The following AURKAIP1 variants were observed in gnomAD, a reference collection of about 807,000 sequenced individuals.
The protein encoded by AURKAIP1 is small ribosomal subunit protein bS22, mitochondrial.
A neutral mutation model predicts 18.4 loss-of-function variants in AURKAIP1; 20 were observed. That is an observed-to-expected ratio of 1.09 (90% CI 0.77 to 1.58). The LOEUF (loss-of-function observed/expected upper bound fraction) is 1.58, where lower values mean the gene tolerates loss of function less well. Among genes scored for constraint, AURKAIP1 ranks in the 40% most tolerant of loss-of-function variants. The pLI is 0.00. For synonymous variants in AURKAIP1, 156 were observed against 120.8 expected (o/e 1.29, Z -1.91); for missense variants, 319 against 270.7 (o/e 1.18, Z -1.25).
At chr1:1,374,577 G>T in intron 2 of AURKAIP1, 128 bp downstream of exon 2, 1 of 1,381,938 alleles carries the variant, frequency 7.2e-7, no homozygotes, top group Non-Finnish European at 9.9e-7. Flanking sequence ...GGTTCCCTCT[G>T]TGAGCATCGG....
In AURKAIP1 at chr1:1,374,174, T is replaced by C. The variant is rs561550869; in HGVS notation, c.324A>G (p.Ile108Met). Residue 108 changes from isoleucine to methionine, a missense_variant, in exon 3 of 4, where the codon ATA becomes ATG. Ile to Met is a conservative substitution (Grantham distance 10). Transcript: ENST00000338338. Reference sequence around the variant, plus strand: ...CATCCCCCTGCTCGGCCCCTTCCCCTATCTGGCTGGGCGGACACTGGTAGG... The same window carrying C: ...CATCCCCCTGCTCGGCCCCTTCCCCCATCTGGCTGGGCGGACACTGGTAGG... ...PQSYQCPPSQ[I>M]GEGAEQGDEG... is the part of the protein sequence containing the mutation. 21 of 1,613,892 alleles carry C rather than the reference T, an allele frequency of 1.3e-5. No individual in the cohort carries two copies. In the South Asian group the frequency reaches 1.9e-4, roughly 14 times the overall value.
chr1:1,374,870 C>T lies in AURKAIP1; in HGVS notation c.-34-80G>A, dbSNP rs141604295. The T allele has an allele frequency of 2.2e-3, 2,008 of 932,118 alleles. 100 individuals are homozygous for T. In the East Asian group the frequency reaches 0.059, roughly 27 times the overall value. The allele number at this position is 932,118 out of a possible 1,614,324, so 57.7% of individuals were successfully genotyped here. On this transcript the variant is annotated intron_variant, in intron 1 of 3. Transcript: ENST00000338338. ...CGGGCCGGGACTGGGGCGTCTGGTC[C>T]CGCCGCGACCCTCGCTTCCCTTCTC... is the stretch of plus-strand genomic sequence containing the variant.
chr1:1,374,671 GCATCCTCC>G, intron 2 of AURKAIP1, 26 bp downstream of exon 2: 1 of 1,550,346 alleles, frequency 6.5e-7, no homozygotes, highest in Non-Finnish European at 8.7e-7. Context: ...AACCAGGTGT[GCATCCTCC>G]CATCCGCCCC....
intron 2 of AURKAIP1, 44 bp from the exon 3 acceptor site, chr1:1,374,489 C>A (rs1162887515): frequency 7.0e-7 from 1 of 1,432,004 alleles, no homozygotes; most frequent in Non-Finnish European, 9.2e-7. Flanking sequence ...CGAGACCACA[C>A]AGGCCCGTCG....
Position 1,374,071 on chromosome 1 carries a change from A to C in AURKAIP1, c.427T>G (p.Tyr143Asp). ...CGCGTCTTCTTCACCAGCTTCCGGT[A>C]CTTGTGGTGGTTCATCTTCCGCCGG... ...IRRRKMNHHK[Y>D]RKLVKKTRFL... The change falls in exon 3 of 4, where the codon TAC becomes GAC. Residue 143 changes from tyrosine (Y) to aspartate (D), a missense_variant. Physicochemically the swap from Tyr to Asp is radical, Grantham distance 160. Transcript: ENST00000338338. The C allele has an allele frequency of 6.2e-7, 1 of 1,610,022 alleles. No homozygotes were observed. Among genetic ancestry groups the C allele is most frequent in the Non-Finnish European group, 8.5e-7 (1 of 1,177,648 alleles).
At chr1:1,373,963 A>G (rs770758721) in intron 3 of AURKAIP1, 37 bp downstream of exon 3, 1 of 1,608,710 alleles carries the variant, frequency 6.2e-7, no homozygotes, top group Non-Finnish European at 8.5e-7. Context: ...TGTTCTCAGC[A>G]CTTTGCCCTC....
chr1:1,373,795 C>T lies in AURKAIP1; in HGVS notation c.*6G>A. ...GCAGCAACGGGCGGGAAGGGCGGCG[C>T]CAGACTCATTTGCCCCGCAGGTAGA... On this transcript the variant is annotated 3_prime_UTR_variant, in exon 4 of 4. Transcript: ENST00000338338. 6.3e-7 allele frequency: 1 copy of T among 1,596,994 alleles called. No individual in the cohort carries two copies.
chr1:1,374,759 T>C lies in AURKAIP1; in HGVS notation c.-3A>G. 1 of 1,556,724 alleles carries C rather than the reference T, an allele frequency of 6.4e-7. No individual in the cohort carries two copies. The highest frequency in any genetic ancestry group is 8.7e-7 in the Non-Finnish European group (1 of 1,150,746). ...GAAGTCAGGCGCCCCAGGAGCATGG[T>C]CTGTGGGCGGCGGCCACAGGTCCCA... On this transcript the variant is annotated 5_prime_UTR_variant, in exon 2 of 4. Coordinates refer to ENST00000338338, the MANE Select transcript of AURKAIP1 (RefSeq NM_017900.3).
chr1:1,374,118 C>T lies in AURKAIP1; in HGVS notation c.380G>A (p.Cys127Tyr), dbSNP rs562415303. Reference protein sequence around the residue: ...EGVADAPQIQCKNVLKIRRRK... With the variant: ...EGVADAPQIQYKNVLKIRRRK... Reference sequence around the variant, plus strand: ...CCGGCGGATCTTCAGCACGTTTTTGCACTGAATTTGAGGCGCATCCGCGAC... The same window carrying T: ...CCGGCGGATCTTCAGCACGTTTTTGTACTGAATTTGAGGCGCATCCGCGAC... Residue 127 changes from cysteine to tyrosine, a missense_variant, in exon 3 of 4, where the codon TGC becomes TAC. Coordinates refer to ENST00000338338, the MANE Select transcript of AURKAIP1 (RefSeq NM_017900.3). The T allele has an allele frequency of 3.1e-6, 5 of 1,613,496 alleles. No individual in the cohort carries two copies. In the African/African-American group the frequency reaches 5.3e-5, roughly 17 times the overall value.
rs773522689 is a variant in AURKAIP1, at chr1:1,374,731, T to C, written c.26A>G (p.Gln9Arg). MLLGRLTS[Q>R]LLRAVPWAGG... Reference sequence around the variant, plus strand: ...TGCCCAAGGAACGGCCCTCAACAGCTGGGAAGTCAGGCGCCCCAGGAGCAT... The same window carrying C: ...TGCCCAAGGAACGGCCCTCAACAGCCGGGAAGTCAGGCGCCCCAGGAGCAT... The change falls in exon 2 of 4, where the codon CAG (glutamine) becomes CGG (arginine). Residue 9 changes from glutamine (Q) to arginine (R), a missense_variant. Coordinates refer to ENST00000338338, the MANE Select transcript of AURKAIP1 (RefSeq NM_017900.3). 35 of 1,561,098 alleles carry C rather than the reference T, an allele frequency of 2.2e-5. No individual in the cohort carries two copies. The South Asian group carries it at 4.0e-4, about 18-fold the overall frequency.
In AURKAIP1 at chr1:1,374,092, G is replaced by A. The variant is rs149654038; in HGVS notation, c.406C>T (p.Arg136Trp). 5.6e-6 allele frequency: 9 copies of A among 1,611,432 alleles called. No individual in the cohort carries two copies. In the East Asian group the frequency reaches 6.7e-5, roughly 12 times the overall value. The change falls in exon 3 of 4, where the codon CGG becomes TGG. Residue 136 changes from arginine to tryptophan, a missense_variant. Coordinates refer to ENST00000338338, the MANE Select transcript of AURKAIP1 (RefSeq NM_017900.3). Reference sequence around the variant, plus strand: ...CGGTACTTGTGGTGGTTCATCTTCCGCCGGCGGATCTTCAGCACGTTTTTG... The same window carrying A: ...CGGTACTTGTGGTGGTTCATCTTCCACCGGCGGATCTTCAGCACGTTTTTG... ...QCKNVLKIRR[R>W]KMNHHKYRKL... is the part of the protein sequence containing the mutation.
rs1196914068 is a variant in AURKAIP1 at position 1,374,140 on chromosome 1, C to T, written c.358G>A (p.Ala120Thr). The change falls in exon 3 of 4, where the codon GCG becomes ACG. Residue 120 changes from alanine (A) to threonine (T), a missense_variant. Transcript: ENST00000338338. Reference sequence around the variant, plus strand: ...TTGCACTGAATTTGAGGCGCATCCGCGACGCCTTCATCCCCCTGCTCGGCC... The same window carrying T: ...TTGCACTGAATTTGAGGCGCATCCGTGACGCCTTCATCCCCCTGCTCGGCC... ...EGAEQGDEGV[A>T]DAPQIQCKNV... 2 of 1,613,800 alleles carry T rather than the reference C, an allele frequency of 1.2e-6. No individual in the cohort carries two copies. The highest frequency in any genetic ancestry group is 1.3e-5 in the African/African-American group (1 of 74,950).
At chr1:1,374,912 C>A in intron 1 of AURKAIP1, 122 bp from the exon 2 acceptor site, 2 of 648,794 alleles carry the variant, frequency 3.1e-6, no homozygotes, top group Non-Finnish European at 5.1e-6. Flanking sequence ...CCACCCCAAC[C>A]CACAAGGAGG....
At position 1,374,120 on chromosome 1, in the gene AURKAIP1, C is replaced by A; in HGVS notation, c.378G>T (p.Gln126His). The change falls in exon 3 of 4, where the codon CAG becomes CAT. Residue 126 changes from glutamine to histidine, a missense_variant. Coordinates refer to ENST00000338338, the MANE Select transcript of AURKAIP1 (RefSeq NM_017900.3). ...DEGVADAPQI[Q>H]CKNVLKIRRR... ...GGCGGATCTTCAGCACGTTTTTGCACTGAATTTGAGGCGCATCCGCGACGC... is the reference window on the plus strand; with the variant it reads ...GGCGGATCTTCAGCACGTTTTTGCAATGAATTTGAGGCGCATCCGCGACGC... 6.2e-7 allele frequency: 1 copy of A among 1,613,564 alleles called. No homozygotes were observed. The highest frequency in any genetic ancestry group is 8.5e-7 in the Non-Finnish European group (1 of 1,179,878).
In AURKAIP1 at chr1:1,373,858, C is replaced by G; in HGVS notation, c.543G>C (p.Gly181=). The change falls in exon 4 of 4, where the codon GGG becomes GGC. Residue 181 remains glycine (G), a synonymous_variant. Coordinates refer to ENST00000338338, the MANE Select transcript of AURKAIP1 (RefSeq NM_017900.3). ...KDLRRIWLKA[G]LKEAPEGWQT... is the part of the protein sequence containing the mutation. The stretch of plus-strand genomic sequence containing the variant: ...GCCAGCCTTCGGGGGCTTCCTTTAG[C>G]CCCGCCTTCAGCCAGATGCGCCTCA... 1 of 1,606,792 alleles carries G rather than the reference C, an allele frequency of 6.2e-7. No homozygotes were observed. The highest frequency in any genetic ancestry group is 8.5e-7 in the Non-Finnish European group (1 of 1,179,986).
Position 1,374,217 on chromosome 1 carries a change from G to T in AURKAIP1, c.281C>A (p.Thr94Asn). The change falls in exon 3 of 4, where the codon ACT (threonine) becomes AAT (asparagine). Residue 94 changes from threonine (T) to asparagine (N), a missense_variant. Physicochemically the swap from Thr to Asn is moderately conservative, Grantham distance 65. Coordinates refer to ENST00000338338, the MANE Select transcript of AURKAIP1 (RefSeq NM_017900.3). ...CTGGTAGGATTGCGGTGGAGCCACA[G>T]TCCCTGCGGTCCCGGTATCCAGTCT... is the stretch of plus-strand genomic sequence containing the variant. The part of the protein sequence containing the change: ...LPRLDTGTAG[T>N]VAPPQSYQCP... 2 of 1,613,040 alleles carry T rather than the reference G, an allele frequency of 1.2e-6. No homozygotes were observed. Among genetic ancestry groups the T allele is most frequent in the Non-Finnish European group, 1.7e-6 (2 of 1,180,024 alleles).
rs927816694 is a variant in AURKAIP1, at chr1:1,374,280, G to A, written c.218C>T (p.Pro73Leu). The A allele has an allele frequency of 6.3e-7, 1 of 1,596,272 alleles. No individual in the cohort carries two copies. Among genetic ancestry groups the A allele is most frequent in the Non-Finnish European group, 8.5e-7 (1 of 1,171,982 alleles). Residue 73 changes from proline (P) to leucine (L), a missense_variant, in exon 3 of 4, where the codon CCC becomes CTC. Physicochemically the swap from Pro to Leu is moderately conservative, Grantham distance 98. Transcript: ENST00000338338. Reference protein sequence around the residue: ...MLVPRKMSVSPLESWLTARCF... With the variant: ...MLVPRKMSVSLLESWLTARCF... The stretch of plus-strand genomic sequence containing the variant: ...GCGGGCCGTGAGCCAGCTCTCCAGG[G>A]GGCTGACGGACATCTTCCTGGGGAC...
Position 1,373,989 on chromosome 1 carries a change from G to C in AURKAIP1, c.498+11C>G, listed in dbSNP as rs1244484304. ...CTTTGCCCTCCCAGGGCCAAGCAGG[G>C]GGCCACTCACCTGCTTGCGTCTCAG... On this transcript the variant is annotated intron_variant, in intron 3 of 3. Coordinates refer to ENST00000338338, the MANE Select transcript of AURKAIP1 (RefSeq NM_017900.3). 8 of 1,608,498 alleles carry C rather than the reference G, an allele frequency of 5.0e-6. No individual in the cohort carries two copies. The highest frequency in any genetic ancestry group is 6.8e-6 in the Non-Finnish European group (8 of 1,179,708).
In AURKAIP1 at chr1:1,373,991, G is replaced by T. The variant is rs764246779; in HGVS notation, c.498+9C>A. ...TTGCCCTCCCAGGGCCAAGCAGGGG[G>T]CCACTCACCTGCTTGCGTCTCAGGC... On this transcript the variant is annotated intron_variant, in intron 3 of 3. Coordinates refer to ENST00000338338, the MANE Select transcript of AURKAIP1 (RefSeq NM_017900.3). 17 of 1,608,260 alleles carry T rather than the reference G, an allele frequency of 1.1e-5. No homozygotes were observed. Among genetic ancestry groups the T allele is most frequent in the Admixed American group, 1.7e-5 (1 of 59,652 alleles).
Sources: gnomAD v4.1 joint callset for allele counts on GRCh38, gnomAD v4.1.1 for gene constraint, MANE v1.5 for transcripts, NCBI Gene and HGNC (gene_info 2026-07-23, HGNC 2026-07-21) for gene names.